AGBL4: variants seen among roughly 807,000 people sequenced by gnomAD.
AGBL4 encodes AGBL carboxypeptidase 4.
In AGBL4, 58 loss-of-function variants were observed where a neutral mutation model predicts 66.4. The ratio of observed to expected loss-of-function variants is 0.87; its 90% CI spans 0.71 to 1.09. The LOEUF is 1.09. AGBL4 is among the 50% of genes least tolerant of loss of function. The pLI, the probability that AGBL4 is intolerant of heterozygous loss-of-function variation, is 0.00. For synonymous variants in AGBL4, 234 were observed against 222.9 expected, an observed-to-expected ratio of 1.05 and a Z score of -0.44; for missense variants, 579 against 631.0, an observed-to-expected ratio of 0.92 and a Z score of 0.88.
At chr1:48,525,652 T>A in the AGBL4 span, among the ~76,000 whole-genome samples, 218 of 152,322 alleles carry the variant, frequency 1.4e-3, 1 homozygote, top group African/African-American at 4.9e-3. Context: ...TGAAACCAGT[T>A]GAAGCTCTGG....
intron 6 of AGBL4, among the ~76,000 whole-genome samples, chr1:48,773,856 T>C (rs1426913243): frequency 6.6e-6 from 1 of 152,328 alleles, no homozygotes; most frequent in South Asian, 2.1e-4. Context: ...CTTAGAGGAC[T>C]AACAGAGATA....
intron 12 of AGBL4, among the ~76,000 whole-genome samples, chr1:48,537,260 G>T (rs1272986952): frequency 6.6e-6 from 1 of 152,164 alleles, no homozygotes; most frequent in Admixed American, 6.5e-5. Context: ...AGAGGTGTGT[G>T]CATAGGGAGG....
intron 3 of AGBL4, among the ~76,000 whole-genome samples, chr1:49,569,325 G>T (rs192395089): frequency 6.6e-6 from 1 of 151,998 alleles, no homozygotes; most frequent in African/African-American, 2.4e-5. Flanking sequence ...GCTCAACAAG[G>T]TGACTATTGT....
At chr1:49,243,889 G>A (rs1486156165) in intron 4 of AGBL4, among the ~76,000 whole-genome samples, 2 of 151,750 alleles carry the variant, frequency 1.3e-5, no homozygotes, top group Non-Finnish European at 3.0e-5. Flanking sequence ...TGAAACTTTA[G>A]GCTCTTTCAG....
chr1:49,869,908 T>C (rs1321171852), intron 1 of AGBL4, among the ~76,000 whole-genome samples: 1 of 152,172 alleles, frequency 6.6e-6, no homozygotes, highest in Admixed American at 6.5e-5. Flanking sequence ...GTAGGGCAAC[T>C]GTAGTTAACA....
intron 3 of AGBL4, among the ~76,000 whole-genome samples, chr1:49,637,571 A>G (rs750221128): frequency 1.2e-4 from 19 of 152,038 alleles, no homozygotes; most frequent in Non-Finnish European, 2.5e-4. Context: ...CCAAAGTGAT[A>G]GGATTACAGG....
chr1:49,430,903 T>A (rs1645771507), intron 3 of AGBL4, among the ~76,000 whole-genome samples: 1 of 152,224 alleles, frequency 6.6e-6, no homozygotes, highest in Admixed American at 6.5e-5. Flanking sequence ...TACTCTTTTA[T>A]GTTGGCTCTT....
At chr1:49,256,460 C>T (rs1293697247) in intron 3 of AGBL4, among the ~76,000 whole-genome samples, 1 of 151,800 alleles carries the variant, frequency 6.6e-6, no homozygotes, top group Admixed American at 6.6e-5. Flanking sequence ...ATATCAGATA[C>T]CTATAAATAA....
At chr1:48,695,280 T>A (rs1383264367) in intron 6 of AGBL4, among the ~76,000 whole-genome samples, 1 of 152,208 alleles carries the variant, frequency 6.6e-6, no homozygotes, top group African/African-American at 2.4e-5. Flanking sequence ...CACATCAGAC[T>A]AATCACCTTC....
At chr1:49,751,961 T>C (rs1371686343) in intron 2 of AGBL4, among the ~76,000 whole-genome samples, 1 of 151,468 alleles carries the variant, frequency 6.6e-6, no homozygotes, top group Non-Finnish European at 1.5e-5. Context: ...TTGATTCTTC[T>C]CTCTTTTCTT....
chr1:48,716,690 C>T (rs1647056662), intron 6 of AGBL4, among the ~76,000 whole-genome samples: 1 of 152,178 alleles, frequency 6.6e-6, no homozygotes, highest in Non-Finnish European at 1.5e-5. Flanking sequence ...TAAGTTGTTT[C>T]TCCTTAATTC....
chr1:49,845,795 G>T, intron 2 of AGBL4: 1 of 1,559,882 alleles, frequency 6.4e-7, no homozygotes, highest in Middle Eastern at 1.7e-4. Context: ...TCCTCACTTA[G>T]CCAGCAGGAG....
chr1:49,999,456 C>T (rs964950781), intron 1 of AGBL4, among the ~76,000 whole-genome samples: 5 of 151,982 alleles, frequency 3.3e-5, no homozygotes, highest in African/African-American at 1.2e-4. Context: ...GAAATACATC[C>T]CGTGCTCATG....
intron 4 of AGBL4, among the ~76,000 whole-genome samples, chr1:49,206,463 T>G (rs1327425561): frequency 6.6e-6 from 1 of 152,118 alleles, no homozygotes; most frequent in Non-Finnish European, 1.5e-5. Flanking sequence ...TTTTCTTCAT[T>G]ACATTTCTCT....
intron 3 of AGBL4, among the ~76,000 whole-genome samples, chr1:49,347,597 C>T (rs760789765): frequency 2.0e-5 from 3 of 152,038 alleles, no homozygotes; most frequent in South Asian, 2.1e-4. Context: ...TGGAGGCTCA[C>T]GCCTGTAATC....
At chr1:48,929,548 T>G (rs1160175180) in intron 5 of AGBL4, among the ~76,000 whole-genome samples, 1 of 152,200 alleles carries the variant, frequency 6.6e-6, no homozygotes, top group Non-Finnish European at 1.5e-5. Flanking sequence ...ATAAAACTTT[T>G]CACTCATGGC....
At chr1:48,782,600 T>G (rs1294537105) in intron 6 of AGBL4, among the ~76,000 whole-genome samples, 5 of 152,202 alleles carry the variant, frequency 3.3e-5, no homozygotes, top group Non-Finnish European at 7.3e-5. Context: ...CTTTTTACAT[T>G]TTTGAAAGAC....
chr1:49,010,721 C>G (rs879187752), intron 5 of AGBL4, among the ~76,000 whole-genome samples: 2 of 147,986 alleles, frequency 1.4e-5, no homozygotes, highest in African/African-American at 5.1e-5. Flanking sequence ...TCAGAAATAA[C>G]GCCGCATATC....
chr1:49,355,141 C>T (rs574194954), intron 3 of AGBL4, among the ~76,000 whole-genome samples: 6 of 152,270 alleles, frequency 3.9e-5, no homozygotes, highest in South Asian at 2.1e-4. Context: ...TTTTCGAAGT[C>T]GACTTTTTAA....
Sources: allele counts gnomAD v4.1 joint callset (sites outside exome capture counted in the v4.1 genomes callset), GRCh38; gene constraint gnomAD v4.1.1; transcripts MANE v1.5; gene names NCBI Gene and HGNC (gene_info 2026-07-23, HGNC 2026-07-21).